The following JDP2 variants were observed in gnomAD, a reference collection of about 807,000 sequenced individuals.
JDP2 encodes the protein progesterone receptor co-activator.
JDP2 carries 9 observed loss-of-function variants against 17.1 expected under a neutral mutation model. That is an observed-to-expected ratio of 0.53 (90% CI 0.32 to 0.92). The LOEUF is 0.92. Among genes scored for constraint, JDP2 ranks in the 40% least tolerant of loss-of-function variants. The probability of loss-of-function intolerance (pLI) is 0.04; values close to 1 mark genes in which losing one functional copy is unlikely to be tolerated. For synonymous variants in JDP2, 107 were observed against 95.6 expected (o/e 1.12, Z -0.69); for missense variants, 179 against 220.0 (o/e 0.81, Z 1.18).
rs78190817 is a variant in JDP2 at position 75,471,842 on chromosome 14, C to T, written c.*2367C>T. ...TCAGTTCTGCATCAGGAACCCCTCG[C>T]GCTGTAATCCTTTGATATTTTTCAA... On this transcript the variant is annotated 3_prime_UTR_variant, in exon 4 of 4. Transcript: ENST00000651602. 0.012 allele frequency: 1,873 copies of T among 153,074 alleles called. 26 individuals are homozygous for T. The highest frequency in any genetic ancestry group is 0.043 in the East Asian group (222 of 5,176). 9.5% of individuals were successfully genotyped at this position (153,074 alleles called of 1,614,324 possible).
At chr14:75,451,300 G>A (rs2139975672) in intron 2 of JDP2, among the ~76,000 whole-genome samples, 2 of 151,980 alleles carry the variant, frequency 1.3e-5, no homozygotes, top group East Asian at 3.9e-4. Flanking sequence ...CAGTGGGCCT[G>A]GAAAGTGACA....
chr14:75,437,879 C>G lies in JDP2; in HGVS notation c.-23-19C>G, dbSNP rs779564756. The G allele has an allele frequency of 1.3e-6, 2 of 1,549,618 alleles. No homozygotes were observed. The highest frequency in any genetic ancestry group is 1.9e-5 in the Admixed American group (1 of 53,650). On this transcript the variant is annotated intron_variant, in intron 1 of 3. Transcript: ENST00000651602. ...CCCCAACCTGGCTGACTGTCCTGCT[C>G]TTTTCCTGCCCACTCCAGGCTGGCC...
At chr14:75,445,314 G>C in intron 2 of JDP2, 2 of 985,530 alleles carry the variant, frequency 2.0e-6, no homozygotes. Flanking sequence ...GGCCTCCTCT[G>C]GGTTTAGCCA....
chr14:75,433,643 A>T (rs985646966), intron 1 of JDP2, among the ~76,000 whole-genome samples: 4 of 146,598 alleles, frequency 2.7e-5, no homozygotes, highest in Non-Finnish European at 4.5e-5. Context: ...TAATCTTAGG[A>T]TCAACAACAG....
intron 2 of JDP2, among the ~76,000 whole-genome samples, chr14:75,453,880 G>A (rs998876388): frequency 1.3e-5 from 2 of 152,182 alleles, no homozygotes; most frequent in African/African-American, 4.8e-5. Context: ...GTTAGTGCTG[G>A]GGGTTTTGGT....
At chr14:75,445,619 G>T (rs1242283207) in intron 2 of JDP2, 1 of 982,618 alleles carries the variant, frequency 1.0e-6, no homozygotes, top group East Asian at 1.1e-4. Context: ...TAAAAATAGG[G>T]GAAATAGACC....
chr14:75,451,485 C>G (rs1351014433), intron 2 of JDP2, among the ~76,000 whole-genome samples: 1 of 152,126 alleles, frequency 6.6e-6, no homozygotes, highest in Admixed American at 6.5e-5. Flanking sequence ...ATATTTGGGT[C>G]TGCAAATCCA....
In JDP2 at chr14:75,450,867, G is replaced by A. The variant is rs148551966; in HGVS notation, c.202-10559G>A. Among the ~76,000 whole-genome samples the A allele has an allele frequency of 1.5e-3, 231 of 152,348 alleles. 1 individual carries two copies. The highest frequency in any genetic ancestry group is 5.3e-3 in the African/African-American group (222 of 41,576). The stretch of plus-strand genomic sequence containing the variant: ...GAAACTGTGAATAGAATATAATACA[G>A]TAGGGGCCAGGATACGCTCAGAGCA... On this transcript the variant is annotated intron_variant, in intron 2 of 3. Transcript: ENST00000651602.
At chr14:75,441,469 G>C (rs187473072) in intron 2 of JDP2, among the ~76,000 whole-genome samples, 2 of 152,296 alleles carry the variant, frequency 1.3e-5, no homozygotes, top group East Asian at 3.9e-4. Context: ...CAGGCACTGG[G>C]AACAGAGCTA....
intron 3 of JDP2, among the ~76,000 whole-genome samples, chr14:75,464,799 G>A (rs2139997573): frequency 6.6e-6 from 1 of 152,350 alleles, no homozygotes; most frequent in East Asian, 1.9e-4. Flanking sequence ...GAGGGGTCAG[G>A]TCCACACCCC....
At chr14:75,448,939 G>A (rs745381779) in intron 2 of JDP2, among the ~76,000 whole-genome samples, 2 of 152,156 alleles carry the variant, frequency 1.3e-5, no homozygotes, top group African/African-American at 2.4e-5. Flanking sequence ...CACCTAAATT[G>A]CATCCATCTC....
upstream of JDP2, chr14:75,427,715 T>A (rs1312623837): frequency 3.3e-5 from 5 of 152,468 alleles, no homozygotes; most frequent in Non-Finnish European, 5.8e-5. This position sits in a 1 kb window ranked among gnomAD's most constrained non-coding sequence, Gnocchi z 4.4. Flanking sequence ...GCTCGCCGCG[T>A]CCTGCTTTCT....
At chr14:75,436,440 C>T (rs1441242481) in intron 1 of JDP2, among the ~76,000 whole-genome samples, 3 of 152,220 alleles carry the variant, frequency 2.0e-5, no homozygotes, top group Non-Finnish European at 4.4e-5. Flanking sequence ...CAAAGATTTT[C>T]CCTCAGGAGT....
At chr14:75,447,119 C>T (rs1342561777) in intron 2 of JDP2, among the ~76,000 whole-genome samples, 2 of 152,160 alleles carry the variant, frequency 1.3e-5, no homozygotes, top group Non-Finnish European at 2.9e-5. Context: ...TAGAATTCCC[C>T]GGAAAGTCTT....
chr14:75,471,042 G>A lies in JDP2; in HGVS notation c.*1567G>A, dbSNP rs1453372027. ...AACCCAGCTAGCAAGGGATAGAGCT[G>A]GTGTTTGAACTCTCCCTCCAGAGGC... On this transcript the variant is annotated 3_prime_UTR_variant, in exon 4 of 4. Transcript: ENST00000651602. 1 of 152,182 alleles carries A rather than the reference G, an allele frequency of 6.6e-6. No homozygotes were observed. Among genetic ancestry groups the A allele is most frequent in the African/African-American group, 2.4e-5 (1 of 41,436 alleles). The allele number at this position is 152,182 out of a possible 1,614,324, so 9.4% of individuals were successfully genotyped here. A position where few individuals can be genotyped will look rare whatever the true frequency, so the allele number is the denominator to read the frequency against.
chr14:75,459,086 G>A (rs1357567232), intron 2 of JDP2, among the ~76,000 whole-genome samples: 1 of 152,238 alleles, frequency 6.6e-6, no homozygotes, highest in Non-Finnish European at 1.5e-5. Flanking sequence ...GGTAGGGATT[G>A]AAGCCTTGGA....
rs1022436589 is a variant in JDP2 at position 75,430,748 on chromosome 14, C to T, written c.-24+2496C>T. Among the ~76,000 whole-genome samples, 13 of 151,982 alleles carry T rather than the reference C, an allele frequency of 8.6e-5. No homozygotes were observed. The highest frequency in any genetic ancestry group is 3.1e-4 in the African/African-American group (13 of 41,370). On this transcript the variant is annotated intron_variant, in intron 1 of 3. Coordinates refer to ENST00000651602, the MANE Select transcript of JDP2 (RefSeq NM_001135048.2). This position sits in a 1 kb window ranked among gnomAD's most constrained non-coding sequence, Gnocchi z 4.5. Reference sequence around the variant, plus strand: ...TATTACCAGCTCTGGAACTTAGGGGCTGCCAAGCTCCATGTGCCTGTGTAT... The same window carrying T: ...TATTACCAGCTCTGGAACTTAGGGGTTGCCAAGCTCCATGTGCCTGTGTAT...
At chr14:75,449,637 G>A (rs1885759661) in intron 2 of JDP2, among the ~76,000 whole-genome samples, 1 of 152,162 alleles carries the variant, frequency 6.6e-6, no homozygotes, top group Admixed American at 6.5e-5. Context: ...TGATTGCCTA[G>A]TGGGAAACTA....
chr14:75,440,679 C>A (rs78693578), intron 2 of JDP2, among the ~76,000 whole-genome samples: 1 of 152,166 alleles, frequency 6.6e-6, no homozygotes, highest in African/African-American at 2.4e-5. Context: ...GGTCACACTG[C>A]TGGGAAGTGA....
Sources: gnomAD v4.1 joint callset for allele counts (sites outside exome capture counted in the v4.1 genomes callset) on GRCh38, gnomAD v4.1.1 for gene constraint, Gnocchi (gnomAD v3.1) non-coding constraint, MANE v1.5 for transcripts, NCBI Gene and HGNC (gene_info 2026-07-23, HGNC 2026-07-21) for gene names.